ACADSB: variants seen among roughly 807,000 people sequenced by gnomAD.
ACADSB encodes short/branched chain specific acyl-CoA dehydrogenase, mitochondrial.
A neutral mutation model predicts 54.1 loss-of-function variants in ACADSB; 40 were observed. The observed-to-expected ratio is 0.74, with a 90% CI of 0.57 to 0.96. The LOEUF (loss-of-function observed/expected upper bound fraction) is 0.96. Among genes scored for constraint, ACADSB ranks in the 40% least tolerant of loss-of-function variants. The pLI is 0.00. For synonymous variants in ACADSB, 182 were observed against 182.8 expected, an observed-to-expected ratio of 1.00 and a Z score of 0.03; for missense variants, 530 against 510.4, an observed-to-expected ratio of 1.04 and a Z score of -0.37.
chr10:123,012,677 C>T (rs987982492), intron 1 of ACADSB, among the ~76,000 whole-genome samples: 14 of 151,986 alleles, frequency 9.2e-5, no homozygotes, highest in African/African-American at 2.2e-4. Context: ...TCGCTCCTCC[C>T]GGTGGGCTTG....
At position 123,057,840 on chromosome 10, in the gene ACADSB, G is replaced by C. The variant is rs1484220394; in HGVS notation, c.*4075G>C. The C allele has an allele frequency of 3.3e-5, 5 of 152,154 alleles. No homozygotes were observed. The highest frequency in any genetic ancestry group is 7.4e-5 in the Non-Finnish European group (5 of 68,016). 9.4% of individuals were successfully genotyped at this position (152,154 alleles called of 1,614,324 possible). A position where few individuals can be genotyped will look rare whatever the true frequency, so the allele number is the denominator to read the frequency against. On this transcript the variant is annotated 3_prime_UTR_variant, in exon 11 of 11. Coordinates refer to ENST00000358776, the MANE Select transcript of ACADSB (RefSeq NM_001609.4). ...CGAAGACAAGAATCCAAATGTACTT[G>C]GGGACAAGAATTAGTCCCCAAATTC...
At chr10:123,027,871 A>T (rs1444706080) in intron 1 of ACADSB, among the ~76,000 whole-genome samples, 2 of 152,188 alleles carry the variant, frequency 1.3e-5, no homozygotes, top group Non-Finnish European at 2.9e-5. Flanking sequence ...GCATGGGGTA[A>T]TGAGGTGTGA....
At chr10:123,023,592 A>G (rs1330702722) in intron 1 of ACADSB, among the ~76,000 whole-genome samples, 2 of 152,184 alleles carry the variant, frequency 1.3e-5, no homozygotes, top group African/African-American at 4.8e-5. Context: ...AGATAATCCA[A>G]TGAAGGCTGT....
At chr10:123,029,349 A>G (rs1374372377) in intron 1 of ACADSB, among the ~76,000 whole-genome samples, 2 of 151,992 alleles carry the variant, frequency 1.3e-5, no homozygotes, top group Non-Finnish European at 2.9e-5. Context: ...CTGTCTCAAA[A>G]AAAAAGAGAA....
intron 1 of ACADSB, among the ~76,000 whole-genome samples, chr10:123,010,705 G>A (rs1039215574): frequency 4.6e-5 from 7 of 152,150 alleles, no homozygotes; most frequent in Admixed American, 1.3e-4. Flanking sequence ...AATAGTGCTC[G>A]GAATGTAGTC....
intron 1 of ACADSB, among the ~76,000 whole-genome samples, chr10:123,021,727 G>A (rs76255398): frequency 0.013 from 2,026 of 152,248 alleles, 50 homozygotes; most frequent in African/African-American, 0.044. Context: ...AGCTCTTCAC[G>A]CAACAGGGCC....
At chr10:123,018,052 C>T (rs1296348775) in intron 1 of ACADSB, among the ~76,000 whole-genome samples, 1 of 152,022 alleles carries the variant, frequency 6.6e-6, no homozygotes, top group Non-Finnish European at 1.5e-5. Context: ...GAGGTATGTT[C>T]GACCCCCACT....
chr10:123,019,769 T>C (rs1264833710), intron 1 of ACADSB, among the ~76,000 whole-genome samples: 1 of 152,238 alleles, frequency 6.6e-6, no homozygotes, highest in Non-Finnish European at 1.5e-5. Context: ...TATGTTTGTG[T>C]ATCCACTGCT....
intron 1 of ACADSB, among the ~76,000 whole-genome samples, chr10:123,012,061 G>A (rs1850043563): frequency 6.6e-6 from 1 of 151,902 alleles, no homozygotes; most frequent in African/African-American, 2.4e-5. Flanking sequence ...GTGTTGGCCA[G>A]GCTGGTCTGG....
At chr10:123,023,814 A>G (rs542603768) in intron 1 of ACADSB, among the ~76,000 whole-genome samples, 51 of 152,346 alleles carry the variant, frequency 3.3e-4, no homozygotes, top group Middle Eastern at 6.8e-3. Context: ...GATTCCAAAC[A>G]ATATTGGGAC....
chr10:123,012,612 C>T (rs1051149831), intron 1 of ACADSB, among the ~76,000 whole-genome samples: 1 of 152,092 alleles, frequency 6.6e-6, no homozygotes, highest in East Asian at 1.9e-4. Flanking sequence ...AGGAGTGAAG[C>T]TGCAGACCTT....
At chr10:123,030,648 G>A (rs1242353002) in intron 1 of ACADSB, among the ~76,000 whole-genome samples, 2 of 152,060 alleles carry the variant, frequency 1.3e-5, no homozygotes, top group East Asian at 1.9e-4. Context: ...TCTCTGATAT[G>A]TCTTCCTTTG....
Position 123,053,995 on chromosome 10 carries a change from T to A in ACADSB, c.*230T>A. 1 of 592,252 alleles carries A rather than the reference T, an allele frequency of 1.7e-6. No homozygotes were observed. The allele number at this position is 592,252 out of a possible 1,614,324, so 36.7% of individuals were successfully genotyped here. On this transcript the variant is annotated 3_prime_UTR_variant, in exon 11 of 11. Coordinates refer to ENST00000358776, the MANE Select transcript of ACADSB (RefSeq NM_001609.4). ...TAAACTTGGGAAATAAGCACCTGTA[T>A]TTTTTTCCAAAACTGTTTTTAAAGC...
In ACADSB at chr10:123,057,894, C is replaced by G. The variant is rs971164421; in HGVS notation, c.*4129C>G. The G allele has an allele frequency of 1.3e-5, 2 of 152,134 alleles. No individual in the cohort carries two copies. The highest frequency in any genetic ancestry group is 4.8e-5 in the African/African-American group (2 of 41,428). 9.4% of individuals were successfully genotyped at this position (152,134 alleles called of 1,614,324 possible). ...GTTCTTCCTAGTATTAAACATTGCC[C>G]CTTTCGACAAATTTTGGATTTCATT... is the stretch of plus-strand genomic sequence containing the variant. On this transcript the variant is annotated 3_prime_UTR_variant, in exon 11 of 11. Transcript: ENST00000358776.
At chr10:123,038,731 C>T (rs927943042) in intron 3 of ACADSB, among the ~76,000 whole-genome samples, 2 of 152,108 alleles carry the variant, frequency 1.3e-5, no homozygotes, top group African/African-American at 4.8e-5. Context: ...TTAAAGCAAC[C>T]AGCTTTTTTA....
chr10:123,009,135 T>C, intron 1 of ACADSB, 64 bp downstream of exon 1: 7 of 1,509,476 alleles, frequency 4.6e-6, no homozygotes, highest in Admixed American at 2.0e-5. Flanking sequence ...GAATCGCAGC[T>C]GGCAGAGCCT....
chr10:123,039,158 A>G (rs1405406619), intron 3 of ACADSB, among the ~76,000 whole-genome samples: 2 of 152,178 alleles, frequency 1.3e-5, no homozygotes, highest in Non-Finnish European at 2.9e-5. Flanking sequence ...TAGAGAAGCA[A>G]TGTCTCTGAT....
At position 123,053,834 on chromosome 10, in the gene ACADSB, G is replaced by T. The variant is rs1442842852; in HGVS notation, c.*69G>T. ...ATTTTAAACGGTTGTGTCTTGTTGG[G>T]AGTAAGTGCCTTGCGTGGGAATAAA... On this transcript the variant is annotated 3_prime_UTR_variant, in exon 11 of 11. Transcript: ENST00000358776. 2.2e-6 allele frequency: 3 copies of T among 1,366,684 alleles called. No individual in the cohort carries two copies. Among genetic ancestry groups the T allele is most frequent in the Non-Finnish European group, 3.1e-6 (3 of 955,286 alleles). 84.7% of individuals were successfully genotyped at this position (1,366,684 alleles called of 1,614,324 possible). A position where few individuals can be genotyped will look rare whatever the true frequency, so the allele number is the denominator to read the frequency against.
At chr10:123,031,104 C>T (rs1187681947) in intron 1 of ACADSB, among the ~76,000 whole-genome samples, 1 of 152,164 alleles carries the variant, frequency 6.6e-6, no homozygotes, top group Non-Finnish European at 1.5e-5. Flanking sequence ...AAGATATTTG[C>T]ACCAAATCAA....
Sources: allele counts gnomAD v4.1 joint callset (sites outside exome capture counted in the v4.1 genomes callset), GRCh38; gene constraint gnomAD v4.1.1; transcripts MANE v1.5; gene names NCBI Gene and HGNC (gene_info 2026-07-23, HGNC 2026-07-21).